NKAIN3: variants seen among roughly 807,000 people sequenced by gnomAD.
NKAIN3 encodes sodium/potassium transporting ATPase interacting 3.
Under a neutral mutation model 30.2 loss-of-function variants are expected in NKAIN3, and 25 were observed. The ratio of observed to expected loss-of-function variants is 0.83; its 90% CI spans 0.60 to 1.16. The LOEUF (loss-of-function observed/expected upper bound fraction) is 1.16, where lower values mean the gene tolerates loss of function less well. Among genes scored for constraint, NKAIN3 ranks in the 50% most tolerant of loss-of-function variants. The pLI, the probability that NKAIN3 is intolerant of heterozygous loss-of-function variation, is 0.00. For missense variants in NKAIN3, 225 were observed against 254.1 expected, an observed-to-expected ratio of 0.89 and a Z score of 0.78; for synonymous variants, 91 against 89.6, an observed-to-expected ratio of 1.02 and a Z score of -0.09.
intron 3 of NKAIN3, among the ~76,000 whole-genome samples, chr8:62,645,556 T>C (rs1355149661): frequency 6.6e-6 from 1 of 152,182 alleles, no homozygotes; most frequent in Non-Finnish European, 1.5e-5. Flanking sequence ...ACTACAACTT[T>C]TAAATCCTTC....
chr8:62,590,350 T>G (rs118038808), intron 3 of NKAIN3, among the ~76,000 whole-genome samples: 1 of 151,988 alleles, frequency 6.6e-6, no homozygotes, highest in East Asian at 1.9e-4. Context: ...GTTGTCTTAA[T>G]GCAGCAATGA....
At chr8:62,359,549 A>G (rs758966000) in intron 1 of NKAIN3, among the ~76,000 whole-genome samples, 2 of 152,206 alleles carry the variant, frequency 1.3e-5, no homozygotes, top group Non-Finnish European at 2.9e-5. Flanking sequence ...AAGAGGACAG[A>G]TAGAGACCAT....
intron 3 of NKAIN3, among the ~76,000 whole-genome samples, chr8:62,672,459 G>A (rs1813333854): frequency 6.6e-6 from 1 of 152,178 alleles, no homozygotes; most frequent in Non-Finnish European, 1.5e-5. Context: ...TGTTTTCAAA[G>A]TGACTAGATA....
chr8:62,618,464 T>A (rs764139730), intron 3 of NKAIN3, among the ~76,000 whole-genome samples: 34 of 152,036 alleles, frequency 2.2e-4, no homozygotes, highest in Non-Finnish European at 7.4e-5. Context: ...CATCCTGCTG[T>A]GTCTCAAAAC....
At chr8:62,908,987 C>G (rs955251429) in intron 4 of NKAIN3, among the ~76,000 whole-genome samples, 1 of 152,130 alleles carries the variant, frequency 6.6e-6, no homozygotes. Context: ...CATTGAATGC[C>G]TCTCTTCTCT....
chr8:62,563,895 T>C (rs1170117508), intron 1 of NKAIN3, among the ~76,000 whole-genome samples: 2 of 152,130 alleles, frequency 1.3e-5, no homozygotes, highest in Non-Finnish European at 2.9e-5. Context: ...AAACCTAGTA[T>C]TGAGCTCTGC....
At chr8:62,406,563 G>T (rs1804072923) in intron 1 of NKAIN3, among the ~76,000 whole-genome samples, 1 of 151,980 alleles carries the variant, frequency 6.6e-6, no homozygotes, top group Non-Finnish European at 1.5e-5. Context: ...TGTAAAATTT[G>T]CTTTATCACT....
At chr8:62,526,794 C>T (rs532068490) in intron 1 of NKAIN3, among the ~76,000 whole-genome samples, 5 of 152,236 alleles carry the variant, frequency 3.3e-5, no homozygotes, top group African/African-American at 1.2e-4. Flanking sequence ...GTCCCCTGAT[C>T]ATCTCTCCAC....
chr8:62,813,147 G>A (rs780982942), intron 4 of NKAIN3, among the ~76,000 whole-genome samples: 1 of 151,850 alleles, frequency 6.6e-6, no homozygotes, highest in African/African-American at 2.4e-5. Context: ...TTGAAAATCA[G>A]TTGGATGTAA....
chr8:62,867,047 T>G lies in NKAIN3; in HGVS notation c.472-51406T>G, dbSNP rs540747587. Among the ~76,000 whole-genome samples, 16 of 125,170 alleles carry G rather than the reference T, an allele frequency of 1.3e-4. No homozygotes were observed. In the East Asian group the frequency reaches 3.6e-3, roughly 28 times the overall value. The allele number at this position is 125,170 out of a possible 152,430, so 82.1% of individuals were successfully genotyped here. On this transcript the variant is annotated intron_variant, in intron 4 of 6. Coordinates refer to ENST00000623646, the MANE Select transcript of NKAIN3 (RefSeq NM_001304533.3). ...TCCAGACTGGGCGACAGAGCGAGAC[T>G]CCGTCTTAAAAAAAAAAAAAAATTA...
chr8:62,817,233 T>C (rs1381883162), intron 4 of NKAIN3, among the ~76,000 whole-genome samples: 2 of 152,194 alleles, frequency 1.3e-5, no homozygotes, highest in African/African-American at 2.4e-5. Context: ...GCCATCTTGA[T>C]GACCAATTAA....
intron 1 of NKAIN3, among the ~76,000 whole-genome samples, chr8:62,553,389 TG>T (rs1261396926): frequency 5.3e-5 from 8 of 152,276 alleles, no homozygotes; most frequent in African/African-American, 1.9e-4. Flanking sequence ...TGCAAACCAT[TG>T]TTACATTCCT....
chr8:62,565,603 C>T (rs1434249623), intron 1 of NKAIN3, among the ~76,000 whole-genome samples: 2 of 152,068 alleles, frequency 1.3e-5, no homozygotes, highest in East Asian at 1.9e-4. Context: ...TCTCCTACTA[C>T]ATAATGTTGC....
chr8:62,856,625 A>G, intron 4 of NKAIN3: 1 of 775,088 alleles, frequency 1.3e-6, no homozygotes, highest in South Asian at 1.3e-5. Flanking sequence ...TGAACTGGAC[A>G]TCACTAAAGA....
rs57632946 is a variant in NKAIN3 at position 62,832,258 on chromosome 8, GACACACACACACACACACAC to G, written c.471+85156_471+85175del. On this transcript the variant is annotated intron_variant, in intron 4 of 6. Transcript: ENST00000623646. ...GAACAATACCTGGTATGACCAAACA[GACACACACACACACACACAC>G]ACACACACACACACACACACACACA... is the stretch of plus-strand genomic sequence containing the variant. 4.7e-3 allele frequency among the ~76,000 whole-genome samples: 622 copies of G among 132,680 alleles called. 7 individuals are homozygous for G. The highest frequency in any genetic ancestry group is 0.016 in the African/African-American group (570 of 35,920). 87.0% of individuals were successfully genotyped at this position (132,680 alleles called of 152,430 possible). A position where few individuals can be genotyped will look rare whatever the true frequency, so the allele number is the denominator to read the frequency against.
At chr8:62,359,569 G>C (rs751694106) in intron 1 of NKAIN3, among the ~76,000 whole-genome samples, 10 of 152,158 alleles carry the variant, frequency 6.6e-5, no homozygotes, top group Non-Finnish European at 5.9e-5. Flanking sequence ...TGTCTCCCAT[G>C]CTCCACTCAC....
Position 62,976,174 on chromosome 8 carries a change from G to A in NKAIN3, c.*10767G>A, listed in dbSNP as rs1348759418. On this transcript the variant is annotated 3_prime_UTR_variant, in exon 7 of 7. Transcript: ENST00000623646. ...ATGTATATTCTGTTGATTTGGGGTGGAGAGTTCTGTAGATATCTATTAGGT... is the reference window on the plus strand; with the variant it reads ...ATGTATATTCTGTTGATTTGGGGTGAAGAGTTCTGTAGATATCTATTAGGT... Among the ~76,000 whole-genome samples, 2 of 152,028 alleles carry A rather than the reference G, an allele frequency of 1.3e-5. No individual in the cohort carries two copies. The highest frequency in any genetic ancestry group is 1.5e-5 in the Non-Finnish European group (1 of 68,016).
In NKAIN3 at chr8:62,637,871, T is replaced by A. The variant is rs1812182993; in HGVS notation, c.273+48077T>A. Among the ~76,000 whole-genome samples the A allele has an allele frequency of 2.6e-5, 4 of 152,114 alleles. No homozygotes were observed. The South Asian group carries it at 8.3e-4, about 32-fold the overall frequency. ...GTTCCACAAGGTGAGATATGCAACC[T>A]ATTTTATGTTGACCCCTCTGCCTAT... On this transcript the variant is annotated intron_variant, in intron 3 of 6. Coordinates refer to ENST00000623646, the MANE Select transcript of NKAIN3 (RefSeq NM_001304533.3).
At chr8:62,953,380 C>G (rs1823336998) in intron 5 of NKAIN3, among the ~76,000 whole-genome samples, 1 of 152,208 alleles carries the variant, frequency 6.6e-6, no homozygotes, top group Non-Finnish European at 1.5e-5. Flanking sequence ...TCTATACAGA[C>G]AGCCAGTTAC....
Sources: gnomAD v4.1 joint callset for allele counts (sites outside exome capture counted in the v4.1 genomes callset) on GRCh38, gnomAD v4.1.1 for gene constraint, MANE v1.5 for transcripts, NCBI Gene and HGNC (gene_info 2026-07-23, HGNC 2026-07-21) for gene names.